Variants in ACSF2 observed in about 807,000 individuals in gnomAD.
ACSF2 encodes acyl-CoA synthetase family member 2.
In ACSF2, 52 loss-of-function variants were observed where a neutral mutation model predicts 79.3. The ratio of observed to expected loss-of-function variants is 0.66; its 90% CI spans 0.53 to 0.83. ACSF2 has a LOEUF of 0.83. Among genes scored for constraint, ACSF2 ranks in the 40% least tolerant of loss-of-function variants. The probability of loss-of-function intolerance (pLI) is 0.00; values close to 1 mark genes in which losing one functional copy is unlikely to be tolerated. For missense variants in ACSF2, 661 were observed against 803.3 expected, an observed-to-expected ratio of 0.82 and a Z score of 2.14; for synonymous variants, 283 against 312.6, an observed-to-expected ratio of 0.91 and a Z score of 1.00.
intron 10 of ACSF2, chr17:50,468,453 C>G: frequency 6.2e-7 from 1 of 1,614,234 alleles, no homozygotes; most frequent in Non-Finnish European, 8.5e-7. Flanking sequence ...TCGGTCAGGT[C>G]GTCGAAGGCA....
Position 50,473,695 on chromosome 17 carries a change from C to T in ACSF2, c.1506C>T (p.Phe502=), listed in dbSNP as rs1309791217. Residue 502 remains phenylalanine (F), a synonymous_variant, in exon 13 of 16, where the codon TTC becomes TTT. Transcript: ENST00000300441. ...TCGCCACAATGAATGAGCAGGGCTTCTGCAAGATCGTGGGCCGCTCTAAGG... is the reference window on the plus strand; with the variant it reads ...TCGCCACAATGAATGAGCAGGGCTTTTGCAAGATCGTGGGCCGCTCTAAGG... ...GDVATMNEQG[F]CKIVGRSKDM... is the part of the protein sequence containing the mutation. 1.2e-6 allele frequency: 2 copies of T among 1,614,104 alleles called. No homozygotes were observed. Among genetic ancestry groups the T allele is most frequent in the Non-Finnish European group, 1.7e-6 (2 of 1,180,044 alleles).
intron 1 of ACSF2, among the ~76,000 whole-genome samples, chr17:50,454,009 C>CA (rs2031837516): frequency 1.3e-5 from 2 of 151,502 alleles, no homozygotes; most frequent in Non-Finnish European, 2.9e-5. Flanking sequence ...ACAAAACATA[C>CA]AAAAAAATAG....
Position 50,461,158 on chromosome 17 carries a change from T to C in ACSF2, c.325-84T>C, listed in dbSNP as rs910426036. 9 of 1,589,042 alleles carry C rather than the reference T, an allele frequency of 5.7e-6. No homozygotes were observed. The Admixed American group carries it at 1.5e-4, about 27-fold the overall frequency. On this transcript the variant is annotated intron_variant, in intron 2 of 15. Transcript: ENST00000300441. The stretch of plus-strand genomic sequence containing the variant: ...TGTCCCCAGTGACTGTGATGAGAAC[T>C]CCGGGCTAAGGGCTGAGGGTGGGAG...
At chr17:50,464,868 C>T in intron 10 of ACSF2, 1 of 354,462 alleles carries the variant, frequency 2.8e-6, no homozygotes, top group Non-Finnish European at 5.5e-6. Flanking sequence ...CCCCAGGACA[C>T]TGCTGGGTGG....
intron 10 of ACSF2, among the ~76,000 whole-genome samples, chr17:50,469,291 C>A (rs1260603564): frequency 1.3e-5 from 2 of 152,226 alleles, no homozygotes; most frequent in Admixed American, 6.5e-5. Context: ...CGGCCGGGTG[C>A]CCTGGATGCG....
intron 1 of ACSF2, among the ~76,000 whole-genome samples, chr17:50,427,464 T>C (rs567156619): frequency 1.6e-4 from 24 of 152,134 alleles, no homozygotes; most frequent in African/African-American, 5.5e-4. Context: ...GTAGATGGGA[T>C]TGAGATGAGG....
chr17:50,463,195 T>C lies in ACSF2; in HGVS notation c.832T>C (p.Tyr278His). 3 of 1,614,064 alleles carry C rather than the reference T, an allele frequency of 1.9e-6. No individual in the cohort carries two copies. Among genetic ancestry groups the C allele is most frequent in the Non-Finnish European group, 2.5e-6 (3 of 1,180,018 alleles). The change falls in exon 7 of 16, where the codon TAC (tyrosine) becomes CAC (histidine). Residue 278 changes from tyrosine to histidine, a missense_variant. Physicochemically the swap from Tyr to His is moderately conservative, Grantham distance 83. Transcript: ENST00000300441. This position sits in a 1 kb window ranked among gnomAD's most constrained non-coding sequence, Gnocchi z 4.6. ...GSPKGATLSH[Y>H]NIVNNSNILG... is the part of the protein sequence containing the mutation. ...CCCCAAGGGGGCCACCCTCTCCCAC[T>C]ACAACATTGTCAACAACTCCAACAT...
chr17:50,453,317 C>T (rs2031790713), intron 1 of ACSF2, among the ~76,000 whole-genome samples: 2 of 152,082 alleles, frequency 1.3e-5, no homozygotes, highest in Admixed American at 1.3e-4. Flanking sequence ...CAAGCTTCTC[C>T]TGCCTTGGCT....
rs1914960455 is a variant in ACSF2, at chr17:50,426,242, G to T, written c.-20G>T. 16 of 1,327,408 alleles carry T rather than the reference G, an allele frequency of 1.2e-5. No homozygotes were observed. Among genetic ancestry groups the T allele is most frequent in the African/African-American group, 1.5e-5 (1 of 65,988 alleles). 82.2% of individuals were successfully genotyped at this position (1,327,408 alleles called of 1,614,324 possible). A position where few individuals can be genotyped will look rare whatever the true frequency, so the allele number is the denominator to read the frequency against. On this transcript the variant is annotated 5_prime_UTR_variant, in exon 1 of 16. Transcript: ENST00000300441. Reference sequence around the variant, plus strand: ...CACTTTAAAAGTTTACTCGGGCCGGGACGCAGGGCAAAGCGAGCCATGGCT... The same window carrying T: ...CACTTTAAAAGTTTACTCGGGCCGGTACGCAGGGCAAAGCGAGCCATGGCT...
chr17:50,455,696 C>G (rs1005946803), intron 1 of ACSF2, among the ~76,000 whole-genome samples: 2 of 152,198 alleles, frequency 1.3e-5, no homozygotes, highest in African/African-American at 4.8e-5. Context: ...ACCCCAGCAG[C>G]TGTAGCTAAA....
intron 10 of ACSF2, chr17:50,465,306 G>A (rs148646321): frequency 1.9e-5 from 30 of 1,613,982 alleles, no homozygotes; most frequent in Admixed American, 3.3e-5. Flanking sequence ...GTTTAATGGC[G>A]GCCAGCTTTC....
intron 1 of ACSF2, among the ~76,000 whole-genome samples, chr17:50,447,681 A>T (rs1446099494): frequency 6.6e-6 from 1 of 152,224 alleles, no homozygotes; most frequent in African/African-American, 2.4e-5. Flanking sequence ...CAAATCTCAT[A>T]GGGAATACAC....
In ACSF2 at chr17:50,462,605, G is replaced by A; in HGVS notation, c.792+20G>A. 1 of 1,607,054 alleles carries A rather than the reference G, an allele frequency of 6.2e-7. No individual in the cohort carries two copies. Among genetic ancestry groups the A allele is most frequent in the Admixed American group, 1.7e-5 (1 of 59,826 alleles). ...ACCTCGGTAGGGCAGAGGTCTCCAG[G>A]CCCCAAGCCCAGATGGACACATGCC... On this transcript the variant is annotated intron_variant, in intron 6 of 15. Transcript: ENST00000300441.
chr17:50,469,086 C>CGAGCCCT (rs1357471588), intron 10 of ACSF2: 14 of 1,217,230 alleles, frequency 1.2e-5, no homozygotes, highest in African/African-American at 1.6e-5. Context: ...CCCCGAGCCC[C>CGAGCCCT]GAGCCCTGAG....
At chr17:50,442,304 C>T (rs887171672) in intron 1 of ACSF2, among the ~76,000 whole-genome samples, 2 of 147,762 alleles carry the variant, frequency 1.4e-5, no homozygotes, top group African/African-American at 5.0e-5. Context: ...AAACTCCATC[C>T]CAAAAAAACA....
intron 10 of ACSF2, chr17:50,469,147 T>G: frequency 1.7e-6 from 1 of 597,510 alleles, no homozygotes; most frequent in Non-Finnish European, 2.1e-6. Flanking sequence ...CCTACCGCCT[T>G]TCCCGGGGCT....
chr17:50,436,022 A>G (rs1191114231), intron 1 of ACSF2, among the ~76,000 whole-genome samples: 1 of 151,792 alleles, frequency 6.6e-6, no homozygotes, highest in African/African-American at 2.4e-5. Context: ...AAGATTTTAT[A>G]ATTTTTTTTT....
At chr17:50,426,889 T>A in intron 1 of ACSF2, 2 of 1,535,670 alleles carry the variant, frequency 1.3e-6, no homozygotes, top group African/African-American at 2.7e-5. Flanking sequence ...CTGGGCCTAT[T>A]TCCTTCTGTC....
chr17:50,472,372 C>G, intron 11 of ACSF2, 56 bp from the exon 12 acceptor site: 3 of 1,577,814 alleles, frequency 1.9e-6, no homozygotes, highest in Non-Finnish European at 2.6e-6. Flanking sequence ...TTCCAAGGAC[C>G]ACCTATCCTG....
Sources: gnomAD v4.1 joint callset for allele counts (sites outside exome capture counted in the v4.1 genomes callset) on GRCh38, gnomAD v4.1.1 for gene constraint, Gnocchi (gnomAD v3.1) non-coding constraint, MANE v1.5 for transcripts, NCBI Gene and HGNC (gene_info 2026-07-23, HGNC 2026-07-21) for gene names.